Variants in PDE1A observed in about 807,000 individuals in gnomAD.
PDE1A encodes phosphodiesterase 1A.
PDE1A carries 35 observed loss-of-function variants against 61.7 expected under a neutral mutation model. The ratio of observed to expected loss-of-function variants is 0.57; its 90% CI spans 0.43 to 0.75. The LOEUF (loss-of-function observed/expected upper bound fraction) is 0.75. Ranked by LOEUF, PDE1A falls within the 30% of genes least tolerant of loss-of-function variation. PDE1A has a pLI of 0.00. For synonymous variants in PDE1A, 232 were observed against 213.2 expected (o/e 1.09, Z -0.77); for missense variants, 597 against 630.6 (o/e 0.95, Z 0.57).
chr2:182,264,505 G>A, intron 1 of PDE1A, 91 bp from the exon 2 acceptor site: 1 of 830,342 alleles, frequency 1.2e-6, no homozygotes, highest in Non-Finnish European at 1.9e-6. Flanking sequence ...ACTCAGTTAA[G>A]ATTTTTAACA....
chr2:182,419,032 A>G (rs772270830), intron 1 of PDE1A, among the ~76,000 whole-genome samples: 49 of 152,082 alleles, frequency 3.2e-4, no homozygotes, highest in Non-Finnish European at 6.5e-4. Context: ...TATGCAAGAG[A>G]AAGTTTAAAT....
chr2:182,414,355 A>AC (rs1401767383), intron 1 of PDE1A, among the ~76,000 whole-genome samples: 4 of 152,000 alleles, frequency 2.6e-5, no homozygotes, highest in South Asian at 2.1e-4. Context: ...GGAATTCCAG[A>AC]CCCCCCCAGG....
chr2:182,213,243 CA>C (rs960547315), intron 7 of PDE1A, among the ~76,000 whole-genome samples: 6 of 146,346 alleles, frequency 4.1e-5, no homozygotes, highest in African/African-American at 1.5e-4. Flanking sequence ...ACAGAAAGGA[CA>C]TCCACACCAA....
At chr2:182,647,804 G>A in the PDE1A span, among the ~76,000 whole-genome samples, 294 of 152,096 alleles carry the variant, frequency 1.9e-3, no homozygotes, top group Non-Finnish European at 3.8e-3. Flanking sequence ...ATTGGCTTTC[G>A]AAACCCAAAT....
chr2:182,516,646 A>AAGAAAGAG (rs1404149503), intron 2 of PDE1A, among the ~76,000 whole-genome samples: 2 of 150,892 alleles, frequency 1.3e-5, no homozygotes, highest in African/African-American at 4.9e-5. Context: ...CTGAAAAAGA[A>AAGAAAGAG]AGAAAGAGAG....
the PDE1A span, among the ~76,000 whole-genome samples, chr2:182,608,486 T>C: frequency 6.6e-6 from 1 of 152,176 alleles, no homozygotes; most frequent in African/African-American, 2.4e-5. Flanking sequence ...GAACCTGGGC[T>C]GCGCCAGGCG....
At chr2:182,326,077 A>T (rs867689700) in intron 1 of PDE1A, among the ~76,000 whole-genome samples, 1 of 152,216 alleles carries the variant, frequency 6.6e-6, no homozygotes, top group Non-Finnish European at 1.5e-5. Flanking sequence ...CAAAACCACA[A>T]TGAGATATCA....
the PDE1A span, among the ~76,000 whole-genome samples, chr2:182,701,474 G>A: frequency 6.6e-6 from 1 of 150,424 alleles, no homozygotes. Flanking sequence ...TGCACCTCCC[G>A]GGTTCAAGTG....
chr2:182,576,125 T>C, the PDE1A span, among the ~76,000 whole-genome samples: 25 of 152,044 alleles, frequency 1.6e-4, no homozygotes, highest in East Asian at 4.8e-3. Context: ...CTTAATAAAT[T>C]CAAATTGTCA....
chr2:182,468,378 A>C (rs182475169), intron 2 of PDE1A, among the ~76,000 whole-genome samples: 1 of 152,104 alleles, frequency 6.6e-6, no homozygotes, highest in East Asian at 1.9e-4. Context: ...ATTCCATCTC[A>C]ATAAACCATT....
At chr2:182,337,846 C>T (rs1446736646) in intron 1 of PDE1A, among the ~76,000 whole-genome samples, 2 of 152,072 alleles carry the variant, frequency 1.3e-5, no homozygotes, top group East Asian at 3.8e-4. Flanking sequence ...AAGTGTGATA[C>T]CCCTCTGTTA....
the PDE1A span, among the ~76,000 whole-genome samples, chr2:182,581,853 C>G: frequency 2.0e-5 from 3 of 152,126 alleles, no homozygotes; most frequent in East Asian, 3.9e-4. Flanking sequence ...ATTAACCCCC[C>G]TTCTGTATCA....
intron 1 of PDE1A, among the ~76,000 whole-genome samples, chr2:182,403,676 C>T (rs1702143910): frequency 6.6e-6 from 1 of 151,688 alleles, no homozygotes; most frequent in South Asian, 2.1e-4. Flanking sequence ...GAGTTCATGT[C>T]CTTTGCAGGG....
At chr2:182,309,918 T>C (rs1188834120) in intron 1 of PDE1A, among the ~76,000 whole-genome samples, 1 of 151,994 alleles carries the variant, frequency 6.6e-6, no homozygotes, top group East Asian at 1.9e-4. Flanking sequence ...AAGAAGGTAA[T>C]TTAAAAAGAG....
chr2:182,345,916 A>AGC (rs1698491981), intron 1 of PDE1A, among the ~76,000 whole-genome samples: 1 of 152,194 alleles, frequency 6.6e-6, no homozygotes, highest in African/African-American at 2.4e-5. Flanking sequence ...TTTATTGTTT[A>AGC]TTATCTGTCT....
At chr2:182,560,981 G>A in the PDE1A span, among the ~76,000 whole-genome samples, 6 of 150,188 alleles carry the variant, frequency 4.0e-5, no homozygotes, top group African/African-American at 7.3e-5. Flanking sequence ...AGTTGGTTGC[G>A]AAAATTTTCT....
chr2:182,642,612 T>C, the PDE1A span, among the ~76,000 whole-genome samples: 1 of 152,160 alleles, frequency 6.6e-6, no homozygotes, highest in African/African-American at 2.4e-5. Flanking sequence ...CACCGGTTGT[T>C]ATGAAATTGG....
At chr2:182,670,068 C>T in the PDE1A span, among the ~76,000 whole-genome samples, 1 of 152,178 alleles carries the variant, frequency 6.6e-6, no homozygotes. Flanking sequence ...CTGGCCAGCT[C>T]ACTGCCACAG....
upstream of PDE1A, among the ~76,000 whole-genome samples, chr2:182,528,171 T>A (rs1160738280): frequency 2.0e-5 from 3 of 152,078 alleles, no homozygotes; most frequent in African/African-American, 7.2e-5. Flanking sequence ...GTGGGAAAGT[T>A]TGGAACTTTC....
Sources: gnomAD v4.1 joint callset for allele counts (sites outside exome capture counted in the v4.1 genomes callset) on GRCh38, gnomAD v4.1.1 for gene constraint, MANE v1.5 for transcripts, NCBI Gene and HGNC (gene_info 2026-07-23, HGNC 2026-07-21) for gene names.